The following GPR180 variants were observed in gnomAD, a reference collection of about 807,000 sequenced individuals.
GPR180 encodes G protein-coupled receptor 180.
In GPR180, 53 loss-of-function variants were observed where a neutral mutation model predicts 52.6. The observed-to-expected ratio is 1.01, with a 90% CI of 0.81 to 1.27. The LOEUF (loss-of-function observed/expected upper bound fraction) is 1.27. Among genes scored for constraint, GPR180 ranks in the 50% most tolerant of loss-of-function variants. The pLI is 0.00. For synonymous variants in GPR180, 200 were observed against 193.1 expected, an observed-to-expected ratio of 1.04 and a Z score of -0.30; for missense variants, 533 against 527.0, an observed-to-expected ratio of 1.01 and a Z score of -0.11.
At chr13:94,609,156 G>A (rs1247749140) in intron 2 of GPR180, among the ~76,000 whole-genome samples, 1 of 152,084 alleles carries the variant, frequency 6.6e-6, no homozygotes, top group Admixed American at 6.6e-5. Flanking sequence ...TCCTTTTGTA[G>A]TTTGGTATAT....
At chr13:94,625,863 G>A in intron 7 of GPR180, 103 bp from the exon 8 acceptor site, 1 of 663,340 alleles carries the variant, frequency 1.5e-6, no homozygotes, top group Non-Finnish European at 2.7e-6. Context: ...AAGGCCTGTT[G>A]AGGTTAATCA....
In GPR180 at chr13:94,601,901, G is replaced by A. The variant is rs1285958880; in HGVS notation, c.-27G>A. Reference sequence around the variant, plus strand: ...GCAGCCGCCGGCGGCTGGGAGCCGAGGCGTCGGTGCAGACCTGGAGACGGG... The same window carrying A: ...GCAGCCGCCGGCGGCTGGGAGCCGAAGCGTCGGTGCAGACCTGGAGACGGG... On this transcript the variant is annotated 5_prime_UTR_variant, in exon 1 of 9. Coordinates refer to ENST00000376958, the MANE Select transcript of GPR180 (RefSeq NM_180989.6). The A allele has an allele frequency of 1.4e-6, 2 of 1,390,818 alleles. No individual in the cohort carries two copies. Among genetic ancestry groups the A allele is most frequent in the African/African-American group, 1.5e-5 (1 of 66,236 alleles). 86.2% of individuals were successfully genotyped at this position (1,390,818 alleles called of 1,614,324 possible). A position where few individuals can be genotyped will look rare whatever the true frequency, so the allele number is the denominator to read the frequency against.
intron 1 of GPR180, among the ~76,000 whole-genome samples, chr13:94,603,535 AAAT>A (rs909770483): frequency 1.3e-5 from 2 of 152,222 alleles, no homozygotes; most frequent in African/African-American, 4.8e-5. Context: ...CAATTCAGTA[AAAT>A]AATAATACAA....
chr13:94,624,788 C>T (rs1010170611), intron 7 of GPR180, among the ~76,000 whole-genome samples: 2 of 152,178 alleles, frequency 1.3e-5, no homozygotes, highest in Non-Finnish European at 1.5e-5. Context: ...GTGATATGCC[C>T]GCCTTGGCCT....
chr13:94,632,525 T>C lies in GPR180; in HGVS notation c.*5354T>C, dbSNP rs1261088925. ...TATTTTGATTTTTTCAAAGAATCAG[T>C]TCTGTTACTGCACGTTGTTGGTTTT... On this transcript the variant is annotated 3_prime_UTR_variant, in exon 9 of 9. Transcript: ENST00000376958. 1 of 152,226 alleles carries C rather than the reference T, an allele frequency of 6.6e-6. No homozygotes were observed. The highest frequency in any genetic ancestry group is 1.5e-5 in the Non-Finnish European group (1 of 68,038). 9.4% of individuals were successfully genotyped at this position (152,226 alleles called of 1,614,324 possible).
rs748599837 is a variant in GPR180 at position 94,602,092 on chromosome 13, G to A, written c.145+20G>A. ...TCCATGGTAGGTCTGGGGGCGGGGA[G>A]GGGGATGAAGGCGCGCTGGCCCATC... On this transcript the variant is annotated intron_variant, in intron 1 of 8. Coordinates refer to ENST00000376958, the MANE Select transcript of GPR180 (RefSeq NM_180989.6). The A allele has an allele frequency of 5.3e-6, 7 of 1,319,704 alleles. No individual in the cohort carries two copies. The East Asian group carries it at 8.9e-5, about 17-fold the overall frequency. 81.7% of individuals were successfully genotyped at this position (1,319,704 alleles called of 1,614,324 possible). A position where few individuals can be genotyped will look rare whatever the true frequency, so the allele number is the denominator to read the frequency against.
Position 94,602,178 on chromosome 13 carries a change from G to C in GPR180, c.145+106G>C, listed in dbSNP as rs968610538. 13 of 1,087,610 alleles carry C rather than the reference G, an allele frequency of 1.2e-5. No individual in the cohort carries two copies. The African/African-American group carries it at 2.0e-4, about 16-fold the overall frequency. 67.4% of individuals were successfully genotyped at this position (1,087,610 alleles called of 1,614,324 possible). On this transcript the variant is annotated intron_variant, in intron 1 of 8. Coordinates refer to ENST00000376958, the MANE Select transcript of GPR180 (RefSeq NM_180989.6). ...CCTCCCTGCCACGTTGGGCGAGGCCGGCGACTTCCCCAGCCTCACCTGGAC... is the reference window on the plus strand; with the variant it reads ...CCTCCCTGCCACGTTGGGCGAGGCCCGCGACTTCCCCAGCCTCACCTGGAC...
intron 3 of GPR180, among the ~76,000 whole-genome samples, chr13:94,616,344 C>G (rs12184567): frequency 0.011 from 1,632 of 152,260 alleles, 20 homozygotes; most frequent in African/African-American, 0.024. Context: ...CAGGATATAT[C>G]TTGAGACACG....
intron 3 of GPR180, among the ~76,000 whole-genome samples, chr13:94,613,561 C>T (rs899873049): frequency 2.0e-5 from 3 of 152,160 alleles, no homozygotes; most frequent in Admixed American, 2.0e-4. Flanking sequence ...GTTGGGATTA[C>T]AGGCGTGAGC....
chr13:94,607,756 A>G (rs182596486), intron 2 of GPR180, among the ~76,000 whole-genome samples: 4 of 152,332 alleles, frequency 2.6e-5, no homozygotes, highest in African/African-American at 9.6e-5. Flanking sequence ...GGTGACCAGA[A>G]TGAATCAGAT....
At chr13:94,611,651 T>G (rs139963216) in intron 2 of GPR180, among the ~76,000 whole-genome samples, 4 of 152,190 alleles carry the variant, frequency 2.6e-5, no homozygotes, top group African/African-American at 9.6e-5. Context: ...TCATCATTGG[T>G]AGCCTAGCTG....
intron 1 of GPR180, among the ~76,000 whole-genome samples, chr13:94,603,461 A>T (rs1162577493): frequency 6.6e-6 from 1 of 152,226 alleles, no homozygotes; most frequent in Non-Finnish European, 1.5e-5. Flanking sequence ...AGGTGTTTCA[A>T]GTGCGTTCAT....
chr13:94,628,000 C>A lies in GPR180; in HGVS notation c.*829C>A, dbSNP rs775630891. On this transcript the variant is annotated 3_prime_UTR_variant, in exon 9 of 9. Transcript: ENST00000376958. ...AATTCATTTCTCTTACGTTGAATCC[C>A]CAATCATAATTAAGCCGTATACACA... The A allele has an allele frequency of 2.6e-5, 4 of 152,442 alleles. No homozygotes were observed. The East Asian group carries it at 5.8e-4, about 22-fold the overall frequency. 9.4% of individuals were successfully genotyped at this position (152,442 alleles called of 1,614,324 possible). A position where few individuals can be genotyped will look rare whatever the true frequency, so the allele number is the denominator to read the frequency against.
At chr13:94,624,199 C>G (rs1889892824) in intron 7 of GPR180, among the ~76,000 whole-genome samples, 1 of 152,172 alleles carries the variant, frequency 6.6e-6, no homozygotes. Context: ...ATAGAACCTT[C>G]CCTCCCTAGA....
rs1325787876 is a variant in GPR180, at chr13:94,634,270, T to TG, written c.*7101dup. 3 of 152,084 alleles carry TG rather than the reference T, an allele frequency of 2.0e-5. No individual in the cohort carries two copies. Among genetic ancestry groups the TG allele is most frequent in the Non-Finnish European group, 4.4e-5 (3 of 68,024 alleles). 9.4% of individuals were successfully genotyped at this position (152,084 alleles called of 1,614,324 possible). Reference sequence around the variant, plus strand: ...ACGTGTTGAGTGTTAAACCCACAGGTGGTAGCATGACATTGACTCCTCAGC... The same window carrying TG: ...ACGTGTTGAGTGTTAAACCCACAGGTGGGTAGCATGACATTGACTCCTCAGC... On this transcript the variant is annotated 3_prime_UTR_variant, in exon 9 of 9. Coordinates refer to ENST00000376958, the MANE Select transcript of GPR180 (RefSeq NM_180989.6).
chr13:94,605,027 TAAA>T (rs903179237), intron 1 of GPR180, among the ~76,000 whole-genome samples: 4 of 152,318 alleles, frequency 2.6e-5, no homozygotes, highest in African/African-American at 9.6e-5. Context: ...TATGTCATAT[TAAA>T]AAACAGAAAC....
At chr13:94,607,801 A>G (rs1889654372) in intron 2 of GPR180, among the ~76,000 whole-genome samples, 1 of 152,198 alleles carries the variant, frequency 6.6e-6, no homozygotes, top group Admixed American at 6.5e-5. Flanking sequence ...AATTTTGATA[A>G]GTACTATGAA....
intron 5 of GPR180, 135 bp from the exon 6 acceptor site, chr13:94,620,943 A>G: frequency 1.4e-6 from 1 of 713,018 alleles, no homozygotes; most frequent in Admixed American, 3.4e-5. Flanking sequence ...CTCTTAATGA[A>G]TTTCGTTAGC....
In GPR180 at chr13:94,623,243, G is replaced by T. The variant is rs774212119; in HGVS notation, c.1029G>T (p.Gln343His). The T allele has an allele frequency of 6.2e-7, 1 of 1,613,908 alleles. No homozygotes were observed. Among genetic ancestry groups the T allele is most frequent in the South Asian group, 1.1e-5 (1 of 91,080 alleles). The stretch of plus-strand genomic sequence containing the variant: ...TGTCATTAGGCTGTGGACTCTATCA[G>T]ATCATCACAGTGGAGAGAAGTACAC... ...LALSLGCGLY[Q>H]IITVERSTLK... The change falls in exon 7 of 9, where the codon CAG becomes CAT. Residue 343 changes from glutamine to histidine, a missense_variant. Gln to His is a conservative substitution (Grantham distance 24, BLOSUM62 0). Coordinates refer to ENST00000376958, the MANE Select transcript of GPR180 (RefSeq NM_180989.6).
Sources: gnomAD v4.1 joint callset for allele counts (sites outside exome capture counted in the v4.1 genomes callset) on GRCh38, gnomAD v4.1.1 for gene constraint, MANE v1.5 for transcripts, NCBI Gene and HGNC (gene_info 2026-07-23, HGNC 2026-07-21) for gene names.